The following PPP1R14D variants were observed in gnomAD, a reference collection of about 807,000 sequenced individuals.
PPP1R14D encodes the protein protein phosphatase 1 regulatory inhibitor subunit 14D.
In PPP1R14D, 14 loss-of-function variants were observed where a neutral mutation model predicts 17.1. The observed-to-expected ratio is 0.82, with a 90% CI of 0.54 to 1.28. The LOEUF (loss-of-function observed/expected upper bound fraction) is 1.28. Among genes scored for constraint, PPP1R14D ranks in the 50% most tolerant of loss-of-function variants. PPP1R14D has a pLI of 0.00. For missense variants in PPP1R14D, 173 were observed against 179.2 expected (o/e 0.97, Z 0.20); for synonymous variants, 67 against 66.1 (o/e 1.01, Z -0.06).
At position 40,816,258 on chromosome 15, in the gene PPP1R14D, T is replaced by C; in HGVS notation, c.256-5A>G. The stretch of plus-strand genomic sequence containing the variant: ...CTCAGAAGGGGTTGCTTGATCCTAT[T>C]TGGAAATCACATGGGTCTCAGAGGG... On this transcript the variant is annotated splice_polypyrimidine_tract_variant and splice_region_variant and intron_variant, in intron 1 of 3. Transcript: ENST00000299174. 6.2e-7 allele frequency: 1 copy of C among 1,613,404 alleles called. No homozygotes were observed. The highest frequency in any genetic ancestry group is 8.5e-7 in the Non-Finnish European group (1 of 1,179,358).
At chr15:40,820,934 C>T (rs978768725) in intron 1 of PPP1R14D, among the ~76,000 whole-genome samples, 9 of 151,600 alleles carry the variant, frequency 5.9e-5, no homozygotes, top group Non-Finnish European at 8.8e-5. Context: ...GCCTTAATCT[C>T]GGCACTTTGG....
At chr15:40,823,081 T>C (rs4435237) in intron 1 of PPP1R14D, among the ~76,000 whole-genome samples, 113,393 of 151,066 alleles carry the variant, frequency 0.75, 42,833 homozygotes, top group East Asian at 0.9. Context: ...TCTCCTGCCT[T>C]AGCCTCCCAA....
chr15:40,825,875 T>C (rs1000910737), intron 1 of PPP1R14D, among the ~76,000 whole-genome samples: 4 of 152,206 alleles, frequency 2.6e-5, no homozygotes, highest in Non-Finnish European at 5.9e-5. Flanking sequence ...TCCTTCCACA[T>C]GTCTTGCTTT....
At chr15:40,823,268 G>C (rs145844368) in intron 1 of PPP1R14D, among the ~76,000 whole-genome samples, 4 of 151,490 alleles carry the variant, frequency 2.6e-5, no homozygotes, top group Non-Finnish European at 5.9e-5. Context: ...CTGGCCCCTG[G>C]CTAATTTTTA....
chr15:40,822,320 A>T, intron 1 of PPP1R14D, among the ~76,000 whole-genome samples: 1 of 143,192 alleles, frequency 7.0e-6, no homozygotes, highest in South Asian at 2.2e-4. Context: ...CCTTGCCTCT[A>T]AAAAAAAAAA....
chr15:40,817,291 A>T (rs982247805), intron 1 of PPP1R14D: 2 of 291,564 alleles, frequency 6.9e-6, no homozygotes, highest in African/African-American at 2.3e-5. Flanking sequence ...CGGGAGGCAG[A>T]AGTTGCAGAG....
At position 40,816,260 on chromosome 15, in the gene PPP1R14D, G is replaced by C. The variant is rs1384297464; in HGVS notation, c.256-7C>G. The C allele has an allele frequency of 6.2e-7, 1 of 1,612,814 alleles. No individual in the cohort carries two copies. Among genetic ancestry groups the C allele is most frequent in the African/African-American group, 1.3e-5 (1 of 74,886 alleles). ...CAGAAGGGGTTGCTTGATCCTATTT[G>C]GAAATCACATGGGTCTCAGAGGGGC... On this transcript the variant is annotated splice_polypyrimidine_tract_variant and splice_region_variant and intron_variant, in intron 1 of 3. Coordinates refer to ENST00000299174, the MANE Select transcript of PPP1R14D (RefSeq NM_017726.8).
At chr15:40,822,331 A>G (rs1363117571) in intron 1 of PPP1R14D, among the ~76,000 whole-genome samples, 1 of 150,368 alleles carries the variant, frequency 6.7e-6, no homozygotes, top group East Asian at 1.9e-4. Context: ...AAAAAAAAAA[A>G]GAAAGAAAAA....
intron 1 of PPP1R14D, among the ~76,000 whole-genome samples, chr15:40,825,291 A>G (rs1215037457): frequency 6.7e-6 from 1 of 149,324 alleles, no homozygotes; most frequent in East Asian, 1.9e-4. Context: ...GTCTCAAAAA[A>G]AAAAAAAAGA....
intron 1 of PPP1R14D, among the ~76,000 whole-genome samples, chr15:40,818,204 G>C (rs1340080231): frequency 1.3e-5 from 2 of 150,460 alleles, no homozygotes; most frequent in Admixed American, 1.3e-4. Flanking sequence ...CAGGAGAATG[G>C]TGTGAACCCG....
chr15:40,815,472 C>T lies in PPP1R14D; in HGVS notation c.*224G>A, dbSNP rs1313553074. 1 of 574,734 alleles carries T rather than the reference C, an allele frequency of 1.7e-6. No homozygotes were observed. The highest frequency in any genetic ancestry group is 3.1e-6 in the Non-Finnish European group (1 of 325,098). The allele number at this position is 574,734 out of a possible 1,614,324, so 35.6% of individuals were successfully genotyped here. A position where few individuals can be genotyped will look rare whatever the true frequency, so the allele number is the denominator to read the frequency against. On this transcript the variant is annotated 3_prime_UTR_variant, in exon 4 of 4. Coordinates refer to ENST00000299174, the MANE Select transcript of PPP1R14D (RefSeq NM_017726.8). ...GAGCTGGGGCTCCTAAAGGTTTTAT[C>T]CACTTGGCTGCCAAGGAAGGCATTG...
intron 1 of PPP1R14D, among the ~76,000 whole-genome samples, chr15:40,818,276 G>A (rs188743313): frequency 0.024 from 3,047 of 125,704 alleles, 113 homozygotes; most frequent in African/African-American, 0.088. Context: ...GCGACAGAGC[G>A]AGACTCCATC....
At chr15:40,816,594 T>G (rs1890671329) in intron 1 of PPP1R14D, among the ~76,000 whole-genome samples, 1 of 151,590 alleles carries the variant, frequency 6.6e-6, no homozygotes, top group Non-Finnish European at 1.5e-5. Flanking sequence ...ACGCCTGTAA[T>G]CCCAGCTACT....
rs542516677 is a variant in PPP1R14D at position 40,821,411 on chromosome 15, G to T, written c.256-5158C>A. Among the ~76,000 whole-genome samples, 7 of 151,452 alleles carry T rather than the reference G, an allele frequency of 4.6e-5. No individual in the cohort carries two copies. In the East Asian group the frequency reaches 1.4e-3, roughly 29 times the overall value. ...CATATTTTAAATGTAAACCTTACTA[G>T]ATAGAATTAACAGCATGTTTAACAC... On this transcript the variant is annotated intron_variant, in intron 1 of 3. Coordinates refer to ENST00000299174, the MANE Select transcript of PPP1R14D (RefSeq NM_017726.8).
At chr15:40,821,486 C>A (rs1310762199) in intron 1 of PPP1R14D, among the ~76,000 whole-genome samples, 3 of 150,656 alleles carry the variant, frequency 2.0e-5, no homozygotes, top group Admixed American at 6.7e-5. Flanking sequence ...TGAAATGAGC[C>A]AAAATGAAGC....
At chr15:40,819,515 C>T (rs1036062115) in intron 1 of PPP1R14D, among the ~76,000 whole-genome samples, 19 of 148,580 alleles carry the variant, frequency 1.3e-4, no homozygotes, top group Admixed American at 2.0e-4. Context: ...CCAGCCTGGG[C>T]GACAAAGCAA....
chr15:40,826,834 G>C lies in PPP1R14D; in HGVS notation c.255+1553C>G, dbSNP rs562812480. ...AAAGAAAAACAGTACTTGCTTAATG[G>C]AGTTGTGGGAAGGATTAAATGAAAG... is the stretch of plus-strand genomic sequence containing the variant. On this transcript the variant is annotated intron_variant, in intron 1 of 3. Transcript: ENST00000299174. Among the ~76,000 whole-genome samples, 179 of 152,326 alleles carry C rather than the reference G, an allele frequency of 1.2e-3. 2 individuals are homozygous for C. Among genetic ancestry groups the C allele is most frequent in the African/African-American group, 4.2e-3 (174 of 41,566 alleles).
At chr15:40,820,539 A>C (rs1184955719) in intron 1 of PPP1R14D, among the ~76,000 whole-genome samples, 1 of 152,140 alleles carries the variant, frequency 6.6e-6, no homozygotes, top group African/African-American at 2.4e-5. Context: ...AAACACAGTA[A>C]TGAGAGATAC....
At chr15:40,820,728 A>G (rs796231299) in intron 1 of PPP1R14D, among the ~76,000 whole-genome samples, 9 of 151,486 alleles carry the variant, frequency 5.9e-5, no homozygotes, top group African/African-American at 2.2e-4. Context: ...AGGTGTTCTG[A>G]CGTACACCTG....
Sources: gnomAD v4.1 joint callset for allele counts (sites outside exome capture counted in the v4.1 genomes callset) on GRCh38, gnomAD v4.1.1 for gene constraint, MANE v1.5 for transcripts, NCBI Gene and HGNC (gene_info 2026-07-23, HGNC 2026-07-21) for gene names.